Variants in TENM3 observed in about 807,000 individuals in gnomAD.
The protein encoded by TENM3 is teneurin-3.
In TENM3, 63 loss-of-function variants were observed where a neutral mutation model predicts 255.1. The ratio of observed to expected loss-of-function variants is 0.25; its 90% CI spans 0.20 to 0.30. The LOEUF (loss-of-function observed/expected upper bound fraction) is 0.30, where lower values mean the gene tolerates loss of function less well. TENM3 is among the 10% of genes least tolerant of loss of function. TENM3 has a pLI of 1.00. For missense variants in TENM3, 2,929 were observed against 3,461.1 expected, an observed-to-expected ratio of 0.85 and a Z score of 3.86; for synonymous variants, 1,306 against 1,322.3, an observed-to-expected ratio of 0.99 and a Z score of 0.27.
At chr4:181,741,118 CT>C in the TENM3 span, among the ~76,000 whole-genome samples, 2 of 152,140 alleles carry the variant, frequency 1.3e-5, no homozygotes, top group Admixed American at 6.6e-5. Flanking sequence ...ACTGTAAGAT[CT>C]TTTTGTAATT....
chr4:182,417,109 G>A (rs1770430529), intron 3 of TENM3, among the ~76,000 whole-genome samples: 1 of 152,158 alleles, frequency 6.6e-6, no homozygotes, highest in Non-Finnish European at 1.5e-5. Context: ...GAGTAGCTGG[G>A]ATTACAGGCG....
chr4:182,239,688 G>A (rs1184560210), upstream of TENM3, among the ~76,000 whole-genome samples: 1 of 152,080 alleles, frequency 6.6e-6, no homozygotes, highest in Non-Finnish European at 1.5e-5. Context: ...GCGGAGACAG[G>A]GTAGGGAGAA....
At chr4:182,065,984 G>A in the TENM3 span, among the ~76,000 whole-genome samples, 47 of 152,188 alleles carry the variant, frequency 3.1e-4, no homozygotes, top group Non-Finnish European at 5.6e-4. Context: ...ATATGCCTGA[G>A]TACCTGTTTT....
the TENM3 span, among the ~76,000 whole-genome samples, chr4:181,803,239 C>T: frequency 1.3e-5 from 2 of 152,202 alleles, no homozygotes; most frequent in African/African-American, 4.8e-5. Flanking sequence ...CCCTCCCATG[C>T]TTGCTAAATA....
chr4:182,499,086 T>G lies in TENM3; in HGVS notation c.512-101838T>G, dbSNP rs377140362. Among the ~76,000 whole-genome samples, 9 of 152,306 alleles carry G rather than the reference T, an allele frequency of 5.9e-5. No individual in the cohort carries two copies. The East Asian group carries it at 1.4e-3, about 23-fold the overall frequency. ...AAATAAAGGCATAGAGTTTTTACTT[T>G]GCACAGTTTGTGGTCATTCAATGTA... On this transcript the variant is annotated intron_variant, in intron 3 of 27. Transcript: ENST00000511685.
At chr4:181,786,602 G>A in the TENM3 span, among the ~76,000 whole-genome samples, 1 of 152,046 alleles carries the variant, frequency 6.6e-6, no homozygotes, top group African/African-American at 2.4e-5. Context: ...CTGTGTGGGC[G>A]AGGTGAGGAC....
the TENM3 span, among the ~76,000 whole-genome samples, chr4:181,714,108 A>C: frequency 6.6e-6 from 1 of 152,184 alleles, no homozygotes; most frequent in Non-Finnish European, 1.5e-5. Context: ...AAACACTGAG[A>C]ACATTTCTTT....
chr4:182,090,774 TGTGCCATCCCAAG>T, the TENM3 span, among the ~76,000 whole-genome samples: 1 of 152,240 alleles, frequency 6.6e-6, no homozygotes, highest in Non-Finnish European at 1.5e-5. Context: ...AATGCAATCA[TGTGCCATCCCAAG>T]GTGGATTGTA....
rs760638446 is a variant in TENM3, at chr4:182,792,849, T to C, written c.6177T>C (p.Phe2059=). ...ISGKVEQFGK[F]GVIYYDINQI... ...GCAAAGTTGAGCAGTTTGGAAAGTT[T>C]GGAGTTATATATTATGATATTAACC... Residue 2059 remains phenylalanine (F), a synonymous_variant, in exon 26 of 28, where the codon TTT becomes TTC. Coordinates refer to ENST00000511685, the MANE Select transcript of TENM3 (RefSeq NM_001080477.4). The surrounding 1 kb of genome is among the most constrained non-coding windows in gnomAD (Gnocchi z 6.3). 1 of 1,613,876 alleles carries C rather than the reference T, an allele frequency of 6.2e-7. No individual in the cohort carries two copies. The highest frequency in any genetic ancestry group is 1.1e-5 in the South Asian group (1 of 91,078).
the TENM3 span, among the ~76,000 whole-genome samples, chr4:181,679,128 G>T: frequency 6.6e-6 from 1 of 152,076 alleles, no homozygotes; most frequent in Non-Finnish European, 1.5e-5. Flanking sequence ...GCCAGTCCCA[G>T]CAAGGGTACT....
chr4:182,346,419 G>A (rs1412906742), intron 2 of TENM3, among the ~76,000 whole-genome samples: 1 of 152,062 alleles, frequency 6.6e-6, no homozygotes, highest in Admixed American at 6.6e-5. Flanking sequence ...GTACTTATGG[G>A]CTTAAAGAGT....
At position 182,800,035 on chromosome 4, in the gene TENM3, A is replaced by C; in HGVS notation, c.7784A>C (p.Asp2595Ala). 1 of 1,599,388 alleles carries C rather than the reference A, an allele frequency of 6.3e-7. No homozygotes were observed. Among genetic ancestry groups the C allele is most frequent in the Non-Finnish European group, 8.5e-7 (1 of 1,174,096 alleles). Residue 2595 changes from aspartate to alanine, a missense_variant, in exon 28 of 28, where the codon GAC becomes GCC. Around this residue, in one of 6 missense-constraint regions of TENM3, gnomAD observed 476 missense variants for 480.1 expected, o/e 0.99. Coordinates refer to ENST00000511685, the MANE Select transcript of TENM3 (RefSeq NM_001080477.4). ...VVNGRTRRFA[D>A]VEMQFGALAL... ...AACGGCAGGACGCGCAGGTTCGCGGACGTGGAGATGCAGTTCGGCGCGCTG... is the reference window on the plus strand; with the variant it reads ...AACGGCAGGACGCGCAGGTTCGCGGCCGTGGAGATGCAGTTCGGCGCGCTG...
intron 3 of TENM3, among the ~76,000 whole-genome samples, chr4:182,430,287 G>A (rs1450649445): frequency 1.3e-5 from 2 of 152,218 alleles, no homozygotes; most frequent in African/African-American, 2.4e-5. Flanking sequence ...AGTGGCTCAC[G>A]CCTGTAATCC....
the TENM3 span, among the ~76,000 whole-genome samples, chr4:181,882,122 C>A: frequency 6.6e-6 from 1 of 152,138 alleles, no homozygotes; most frequent in African/African-American, 2.4e-5. Context: ...GAGTCCCCCC[C>A]GTTCGCCTGC....
At chr4:182,702,513 A>G (rs1757952367) in intron 12 of TENM3, among the ~76,000 whole-genome samples, 1 of 152,208 alleles carries the variant, frequency 6.6e-6, no homozygotes, top group Non-Finnish European at 1.5e-5. Flanking sequence ...CCTATTAATA[A>G]GATGAATCAA....
At chr4:181,648,280 A>G in the TENM3 span, among the ~76,000 whole-genome samples, 1 of 152,134 alleles carries the variant, frequency 6.6e-6, no homozygotes, top group East Asian at 1.9e-4. Context: ...TACGGCTCTA[A>G]TCCCTCTACT....
intron 3 of TENM3, among the ~76,000 whole-genome samples, chr4:182,485,464 C>T (rs994725251): frequency 6.6e-6 from 1 of 152,122 alleles, no homozygotes; most frequent in African/African-American, 2.4e-5. Context: ...CCTGACCAAG[C>T]AATCAATAAA....
chr4:181,501,667 C>A, the TENM3 span, among the ~76,000 whole-genome samples: 39 of 152,304 alleles, frequency 2.6e-4, no homozygotes, highest in Non-Finnish European at 4.0e-4. Context: ...CGTGAGCCAA[C>A]ACGCCCAGCC....
At chr4:181,719,223 T>A in the TENM3 span, among the ~76,000 whole-genome samples, 100 of 150,898 alleles carry the variant, frequency 6.6e-4, no homozygotes, top group African/African-American at 2.3e-3. Context: ...AAAAAATAAA[T>A]AAATAAATAA....
Sources: gnomAD v4.1 joint callset for allele counts (sites outside exome capture counted in the v4.1 genomes callset) on GRCh38, gnomAD v4.1.1 for gene constraint, gnomAD v4.1.1 regional missense constraint, Gnocchi (gnomAD v3.1) non-coding constraint, MANE v1.5 for transcripts, NCBI Gene and HGNC (gene_info 2026-07-23, HGNC 2026-07-21) for gene names.